Variants in CRACD observed in about 807,000 individuals in gnomAD.
CRACD encodes capping protein-inhibiting regulator of actin dynamics.
In CRACD, 56 loss-of-function variants were observed where a neutral mutation model predicts 106.8. The observed-to-expected ratio is 0.52, with a 90% CI of 0.42 to 0.66. CRACD has a LOEUF of 0.66. CRACD is among the 30% of genes least tolerant of loss of function. The pLI, the probability that CRACD is intolerant of heterozygous loss-of-function variation, is 0.00. For missense variants in CRACD, 1,730 were observed against 1,623.2 expected, an observed-to-expected ratio of 1.07 and a Z score of -1.13; for synonymous variants, 754 against 670.8, an observed-to-expected ratio of 1.12 and a Z score of -1.92.
At chr4:56,177,162 T>A (rs1389140154) in intron 1 of CRACD, among the ~76,000 whole-genome samples, 1 of 152,202 alleles carries the variant, frequency 6.6e-6, no homozygotes, top group African/African-American at 2.4e-5. Context: ...GGCTTTCAAT[T>A]TCCCCTGTTC....
At chr4:56,206,922 A>G (rs542808872) in intron 2 of CRACD, among the ~76,000 whole-genome samples, 1 of 152,190 alleles carries the variant, frequency 6.6e-6, no homozygotes, top group African/African-American at 2.4e-5. Flanking sequence ...ACCATTTAAC[A>G]TTCTGGAGAT....
intron 1 of CRACD, among the ~76,000 whole-genome samples, chr4:56,082,914 G>C (rs2109810482): frequency 6.6e-6 from 1 of 152,184 alleles, no homozygotes. Context: ...AGAAAGGTTG[G>C]GAATTGAAGG....
intron 1 of CRACD, among the ~76,000 whole-genome samples, chr4:56,152,046 G>C (rs1256639307): frequency 6.9e-6 from 1 of 144,372 alleles, no homozygotes; most frequent in Non-Finnish European, 1.5e-5. Flanking sequence ...GTTTCACTCT[G>C]TCACCCAGGC....
At chr4:56,284,850 A>G (rs1387025449) in intron 3 of CRACD, among the ~76,000 whole-genome samples, 1 of 152,262 alleles carries the variant, frequency 6.6e-6, no homozygotes, top group African/African-American at 2.4e-5. Flanking sequence ...CATGAGATTC[A>G]TACAAAGAGA....
intron 1 of CRACD, among the ~76,000 whole-genome samples, chr4:56,134,910 G>A (rs1396198691): frequency 6.6e-6 from 1 of 151,824 alleles, no homozygotes; most frequent in African/African-American, 2.4e-5. Flanking sequence ...CTATGATTCA[G>A]ATGGAAAGAA....
intron 1 of CRACD, among the ~76,000 whole-genome samples, chr4:56,148,675 T>C (rs1735478873): frequency 6.6e-6 from 1 of 152,228 alleles, no homozygotes; most frequent in South Asian, 2.1e-4. Flanking sequence ...CCTTGCATCA[T>C]TTATGTTTTT....
chr4:56,256,871 A>T (rs1741387327), intron 2 of CRACD, among the ~76,000 whole-genome samples: 1 of 152,182 alleles, frequency 6.6e-6, no homozygotes, highest in Admixed American at 6.5e-5. Context: ...AGTTCAGGCC[A>T]TTATGGGAAG....
intron 2 of CRACD, among the ~76,000 whole-genome samples, chr4:56,261,875 A>C (rs973980000): frequency 6.6e-6 from 1 of 152,178 alleles, no homozygotes; most frequent in Non-Finnish European, 1.5e-5. Context: ...AGGAGATTCT[A>C]TTTAGGTGCA....
chr4:56,203,005 A>G (rs1737956303), intron 2 of CRACD, among the ~76,000 whole-genome samples: 1 of 152,234 alleles, frequency 6.6e-6, no homozygotes, highest in South Asian at 2.1e-4. Context: ...TATGATATTA[A>G]TGAAATTTCC....
intron 1 of CRACD, among the ~76,000 whole-genome samples, chr4:56,053,217 A>G (rs1731933290): frequency 6.6e-6 from 1 of 152,222 alleles, no homozygotes; most frequent in Non-Finnish European, 1.5e-5. Flanking sequence ...AGTACTTCAT[A>G]GTGTATTGAT....
intron 1 of CRACD, among the ~76,000 whole-genome samples, chr4:56,170,931 G>A (rs1286182763): frequency 6.6e-6 from 1 of 152,148 alleles, no homozygotes; most frequent in African/African-American, 2.4e-5. Flanking sequence ...AATTAATCTG[G>A]CAGTAATGTT....
chr4:56,290,613 C>G (rs1014594162), intron 3 of CRACD, among the ~76,000 whole-genome samples: 3 of 152,154 alleles, frequency 2.0e-5, no homozygotes, highest in Non-Finnish European at 4.4e-5. Flanking sequence ...TATCTTTGGG[C>G]TGATTAGAAA....
intron 10 of CRACD, among the ~76,000 whole-genome samples, chr4:56,325,721 T>C (rs1457038402): frequency 1.3e-5 from 2 of 152,210 alleles, no homozygotes; most frequent in Non-Finnish European, 2.9e-5. Context: ...ACAGGCTCCC[T>C]ACCAGTGATT....
At position 56,329,069 on chromosome 4, in the gene CRACD, C is replaced by A. The variant is rs1746643762; in HGVS notation, c.*1265C>A. Among the ~76,000 whole-genome samples, 1 of 152,188 alleles carries A rather than the reference C, an allele frequency of 6.6e-6. No homozygotes were observed. ...TCACCTTGCTACCTTTAAAAAACATCTGAGTTTTAAGTGGCCTTTTTATCA... is the reference window on the plus strand; with the variant it reads ...TCACCTTGCTACCTTTAAAAAACATATGAGTTTTAAGTGGCCTTTTTATCA... On this transcript the variant is annotated 3_prime_UTR_variant, in exon 11 of 11. Transcript: ENST00000682029.
At chr4:56,198,355 T>C (rs1737721890) in intron 2 of CRACD, among the ~76,000 whole-genome samples, 1 of 152,198 alleles carries the variant, frequency 6.6e-6, no homozygotes, top group South Asian at 2.1e-4. Context: ...TCTTTGAAGT[T>C]GGCTCTAGCA....
intron 8 of CRACD, among the ~76,000 whole-genome samples, chr4:56,322,404 A>G (rs138654694): frequency 1.3e-5 from 2 of 152,344 alleles, no homozygotes; most frequent in East Asian, 3.9e-4. Flanking sequence ...CTGTCACATG[A>G]ACCTCCTGTG....
chr4:56,169,664 T>G (rs1390703108), intron 1 of CRACD, among the ~76,000 whole-genome samples: 1 of 152,066 alleles, frequency 6.6e-6, no homozygotes, highest in Non-Finnish European at 1.5e-5. Flanking sequence ...ACCCAGCTAA[T>G]TTTTGTATTT....
chr4:56,248,311 G>A (rs1467990129), intron 2 of CRACD, among the ~76,000 whole-genome samples: 3 of 152,180 alleles, frequency 2.0e-5, no homozygotes, highest in Admixed American at 1.3e-4. Flanking sequence ...GGGACCTGGT[G>A]CCGCTCATAC....
At chr4:56,325,567 TAAC>T (rs897015671) in intron 10 of CRACD, among the ~76,000 whole-genome samples, 16 of 152,334 alleles carry the variant, frequency 1.1e-4, no homozygotes, top group East Asian at 9.6e-4. Flanking sequence ...TGATGTTAAT[TAAC>T]AACAGCAGTT....
Sources: gnomAD v4.1 joint callset for allele counts (sites outside exome capture counted in the v4.1 genomes callset) on GRCh38, gnomAD v4.1.1 for gene constraint, MANE v1.5 for transcripts, NCBI Gene and HGNC (gene_info 2026-07-23, HGNC 2026-07-21) for gene names.